Variants in ASAP2 observed in about 807,000 individuals in gnomAD.
The protein encoded by ASAP2 is arf-GAP with SH3 domain, ANK repeat and PH domain-containing protein 2.
Under a neutral mutation model 131.4 loss-of-function variants are expected in ASAP2, and 45 were observed. The ratio of observed to expected loss-of-function variants is 0.34; its 90% CI spans 0.27 to 0.44. The LOEUF (loss-of-function observed/expected upper bound fraction) is 0.44. ASAP2 is among the 20% of genes least tolerant of loss of function. The pLI, the probability that ASAP2 is intolerant of heterozygous loss-of-function variation, is 1.00. For missense variants in ASAP2, 1,011 were observed against 1,297.0 expected (o/e 0.78, Z 3.39); for synonymous variants, 510 against 503.0 (o/e 1.01, Z -0.19).
In ASAP2 at chr2:9,393,471, G is replaced by A. The variant is rs758488197; in HGVS notation, c.2519-11G>A. The A allele has an allele frequency of 6.2e-6, 10 of 1,600,874 alleles. No homozygotes were observed. The Middle Eastern group carries it at 5.0e-4, about 79-fold the overall frequency. On this transcript the variant is annotated splice_polypyrimidine_tract_variant and intron_variant, in intron 23 of 27. Transcript: ENST00000281419. ...GCTGACCCTCTGCACGTCTCTCCCT[G>A]TCCTCCGCAGATCCCCTGACCCCCA...
chr2:9,329,505 A>G (rs1670694354), intron 7 of ASAP2, among the ~76,000 whole-genome samples: 1 of 152,190 alleles, frequency 6.6e-6, no homozygotes, highest in Non-Finnish European at 1.5e-5. Flanking sequence ...AGTGATGGGG[A>G]GAGAGACAGT....
intron 1 of ASAP2, among the ~76,000 whole-genome samples, chr2:9,208,500 A>T (rs1419422001): frequency 1.3e-5 from 2 of 151,224 alleles, no homozygotes; most frequent in Admixed American, 6.6e-5. Context: ...TAATGGAAAA[A>T]TTTTTTCTTT....
At chr2:9,307,023 C>A (rs533713015) in intron 3 of ASAP2, among the ~76,000 whole-genome samples, 1 of 152,166 alleles carries the variant, frequency 6.6e-6, no homozygotes, top group Non-Finnish European at 1.5e-5. Flanking sequence ...GCAGCACTGC[C>A]CTGGAGCAGA....
intron 1 of ASAP2, among the ~76,000 whole-genome samples, chr2:9,231,280 C>T (rs1663143567): frequency 6.6e-6 from 1 of 152,162 alleles, no homozygotes; most frequent in African/African-American, 2.4e-5. Context: ...GACTCCTCAC[C>T]AGGTTTTCAG....
intron 1 of ASAP2, among the ~76,000 whole-genome samples, chr2:9,213,655 A>G (rs554463640): frequency 1.3e-5 from 2 of 152,086 alleles, no homozygotes; most frequent in South Asian, 4.1e-4. Flanking sequence ...GGTCCATTGT[A>G]CAAGAAGAGG....
intron 7 of ASAP2, among the ~76,000 whole-genome samples, chr2:9,330,514 G>C (rs544530853): frequency 3.4e-4 from 51 of 152,022 alleles, no homozygotes; most frequent in African/African-American, 1.2e-3. Context: ...TTGACCACCA[G>C]GCCTATAACA....
intron 18 of ASAP2, among the ~76,000 whole-genome samples, chr2:9,377,902 A>G (rs1674528586): frequency 6.6e-6 from 1 of 151,996 alleles, no homozygotes; most frequent in Admixed American, 6.6e-5. Flanking sequence ...CTGATGCCCC[A>G]TCTCTGAGTG....
At chr2:9,337,958 A>G (rs1671327385) in intron 9 of ASAP2, among the ~76,000 whole-genome samples, 1 of 152,220 alleles carries the variant, frequency 6.6e-6, no homozygotes, top group African/African-American at 2.4e-5. Flanking sequence ...ACTATGTACC[A>G]TAGTGTTTGA....
At chr2:9,371,855 G>A (rs981050658) in intron 16 of ASAP2, among the ~76,000 whole-genome samples, 12 of 152,068 alleles carry the variant, frequency 7.9e-5, no homozygotes, top group African/African-American at 1.9e-4. Flanking sequence ...GGTGGCTCAC[G>A]CCTGTAATCC....
At position 9,281,797 on chromosome 2, in the gene ASAP2, G is replaced by A. The variant is rs547875038; in HGVS notation, c.199+2408G>A. On this transcript the variant is annotated intron_variant, in intron 2 of 27. Coordinates refer to ENST00000281419, the MANE Select transcript of ASAP2 (RefSeq NM_003887.3). The surrounding 1 kb of genome is among the most constrained non-coding windows in gnomAD (Gnocchi z 4.0). Reference sequence around the variant, plus strand: ...TTAACCCTTTCCCAATTCATCTGTCGATGAAACTGTCACTGCCTCCCCTGA... The same window carrying A: ...TTAACCCTTTCCCAATTCATCTGTCAATGAAACTGTCACTGCCTCCCCTGA... Among the ~76,000 whole-genome samples, 15 of 152,232 alleles carry A rather than the reference G, an allele frequency of 9.9e-5. No individual in the cohort carries two copies. Among genetic ancestry groups the A allele is most frequent in the African/African-American group, 3.4e-4 (14 of 41,536 alleles).
At chr2:9,360,639 T>C (rs950933426) in intron 15 of ASAP2, among the ~76,000 whole-genome samples, 2 of 152,166 alleles carry the variant, frequency 1.3e-5, no homozygotes, top group Non-Finnish European at 2.9e-5. Context: ...GCTACCTAAG[T>C]GAATTACTCA....
chr2:9,366,072 G>A (rs1252041971), intron 15 of ASAP2, among the ~76,000 whole-genome samples: 9 of 152,256 alleles, frequency 5.9e-5, no homozygotes, highest in African/African-American at 1.9e-4. Context: ...CTGCCTGCCT[G>A]TCCTGCTGGC....
rs1409215380 is a variant in ASAP2, at chr2:9,232,288, C to G, written c.126+25058C>G. ...CCCGATCCTTTTACACAGGTGGTCC[C>G]TCTGTTTGTAGAGTCGCCCTGCTCT... On this transcript the variant is annotated intron_variant, in intron 1 of 27. Coordinates refer to ENST00000281419, the MANE Select transcript of ASAP2 (RefSeq NM_003887.3). The surrounding 1 kb of genome is among the most constrained non-coding windows in gnomAD (Gnocchi z 4.1). 6.6e-6 allele frequency among the ~76,000 whole-genome samples: 1 copy of G among 152,196 alleles called. No homozygotes were observed.
intron 1 of ASAP2, among the ~76,000 whole-genome samples, chr2:9,248,648 C>T (rs1023442207): frequency 4.0e-4 from 61 of 152,212 alleles, no homozygotes; most frequent in African/African-American, 1.4e-3. Context: ...GATACCCAGG[C>T]CCTGGCTGGG....
chr2:9,385,082 G>A (rs1022341286), intron 20 of ASAP2, among the ~76,000 whole-genome samples, 163 bp from the exon 21 acceptor site: 4 of 152,352 alleles, frequency 2.6e-5, no homozygotes, highest in African/African-American at 9.6e-5. Flanking sequence ...TCAAGGTTAC[G>A]CTGTGAAGTA....
At position 9,207,520 on chromosome 2, in the gene ASAP2, G is replaced by T. The variant is rs1661203243; in HGVS notation, c.126+290G>T. ...GCGCGGCCAACTTTGTCCAGAGTCGGGGTCCGCGGCGAGCGGGGGATCCCG... is the reference window on the plus strand; with the variant it reads ...GCGCGGCCAACTTTGTCCAGAGTCGTGGTCCGCGGCGAGCGGGGGATCCCG... On this transcript the variant is annotated intron_variant, in intron 1 of 27. Transcript: ENST00000281419. This position sits in a 1 kb window ranked among gnomAD's most constrained non-coding sequence, Gnocchi z 4.1. 6.6e-6 allele frequency among the ~76,000 whole-genome samples: 1 copy of T among 151,766 alleles called. No individual in the cohort carries two copies. Among genetic ancestry groups the T allele is most frequent in the Non-Finnish European group, 1.5e-5 (1 of 67,848 alleles).
chr2:9,350,777 AC>A (rs779171905), intron 11 of ASAP2, 30 bp from the exon 12 acceptor site: 1 of 1,595,456 alleles, frequency 6.3e-7, no homozygotes, highest in Non-Finnish European at 8.6e-7. Context: ...CCCAACCCCA[AC>A]CTTTTTTGTT....
At chr2:9,300,971 C>T (rs575416813) in intron 3 of ASAP2, among the ~76,000 whole-genome samples, 16 of 152,214 alleles carry the variant, frequency 1.1e-4, no homozygotes, top group Non-Finnish European at 1.6e-4. Flanking sequence ...AGGCCAGCGC[C>T]GGTGTGGAAG....
intron 3 of ASAP2, among the ~76,000 whole-genome samples, chr2:9,317,092 C>T (rs1342665686): frequency 2.8e-5 from 3 of 108,428 alleles, no homozygotes; most frequent in African/African-American, 9.7e-5. Flanking sequence ...CACACACACA[C>T]TCAACCACAC....
Sources: allele counts gnomAD v4.1 joint callset (sites outside exome capture counted in the v4.1 genomes callset), GRCh38; gene constraint gnomAD v4.1.1; non-coding constraint Gnocchi (gnomAD v3.1); transcripts MANE v1.5; gene names NCBI Gene and HGNC (gene_info 2026-07-23, HGNC 2026-07-21).